The following TMEM116 variants were observed in gnomAD, a reference collection of about 807,000 sequenced individuals.
The protein encoded by TMEM116 is transmembrane protein 116.
Under a neutral mutation model 44.3 loss-of-function variants are expected in TMEM116, and 38 were observed. That is an observed-to-expected ratio of 0.86 (90% confidence interval 0.66 to 1.12). TMEM116 has a LOEUF of 1.12. TMEM116 is among the 50% of genes most tolerant of loss of function. TMEM116 has a pLI of 0.00. For missense variants in TMEM116, 354 were observed against 401.7 expected (o/e 0.88, Z 1.01); for synonymous variants, 132 against 144.8 (o/e 0.91, Z 0.64).
intron 5 of TMEM116, among the ~76,000 whole-genome samples, chr12:111,939,451 CAAA>C (rs34320561): frequency 1.7e-4 from 12 of 72,060 alleles, no homozygotes; most frequent in African/African-American, 4.6e-4. Context: ...GAATCCGTCT[CAAA>C]AAAAAAAAAA....
rs1462031579 is a variant in TMEM116, at chr12:111,931,813, TG to T, written c.821del (p.Thr274AsnfsTer21). On this transcript the variant is annotated frameshift_variant, in exon 11 of 11. Coordinates refer to ENST00000552374, the MANE Select transcript of TMEM116 (RefSeq NM_001193531.2). LOFTEE classifies it high-confidence loss of function. ...ALYVLQALTA[T>X]SQGLLNCGVY... ...CTCCACAGTTGAGTAGACCCTGAGATGTTGCCGTTAGAGCCTGGAGGAGATG... is the reference window on the plus strand; with the variant it reads ...CTCCACAGTTGAGTAGACCCTGAGATTTGCCGTTAGAGCCTGGAGGAGATG... The T allele has an allele frequency of 6.5e-7, 1 of 1,527,852 alleles. No homozygotes were observed. Among genetic ancestry groups the T allele is most frequent in the Non-Finnish European group, 8.8e-7 (1 of 1,141,062 alleles). The allele number at this position is 1,527,852 out of a possible 1,614,324, so 94.6% of individuals were successfully genotyped here. A position where few individuals can be genotyped will look rare whatever the true frequency, so the allele number is the denominator to read the frequency against.
In TMEM116 at chr12:111,937,204, C is replaced by A; in HGVS notation, c.405G>T (p.Leu135=). Residue 135 remains leucine, a synonymous_variant, in exon 7 of 11, where the codon CTG becomes CTT. Transcript: ENST00000552374. ...TTTGGAAACATTCACTAGTATTTCC[C>A]AGACAGAATACAGGTGTCATCAATA... ...PLLLMTPVFC[L]GNTSECFQNF... 6.2e-7 allele frequency: 1 copy of A among 1,613,810 alleles called. No homozygotes were observed. The highest frequency in any genetic ancestry group is 8.5e-7 in the Non-Finnish European group (1 of 1,179,860).
intron 4 of TMEM116, among the ~76,000 whole-genome samples, chr12:111,985,470 C>T (rs552841013): frequency 1.3e-5 from 2 of 152,278 alleles, no homozygotes; most frequent in Non-Finnish European, 2.9e-5. Context: ...TAGGAATAAA[C>T]TTAACCAAGG....
chr12:111,940,089 A>G (rs1245995782), intron 5 of TMEM116, among the ~76,000 whole-genome samples: 1 of 151,940 alleles, frequency 6.6e-6, no homozygotes, highest in East Asian at 1.9e-4. Flanking sequence ...CCTGGCCAAC[A>G]TGGCAAAACC....
Position 111,938,181 on chromosome 12 carries a change from T to C in TMEM116, c.345A>G (p.Gln115=), listed in dbSNP as rs1266522242. Residue 115 remains glutamine (Q), a synonymous_variant, in exon 6 of 11, where the codon CAA becomes CAG. Transcript: ENST00000552374. ...LVIDYTCRVC[Q]MAFVFSSLIP... ...TTTACCTTGAGAAAACAAAGGCCAT[T>C]TGACAAACTCGACAAGTATAATCTA... 5.6e-6 allele frequency: 9 copies of C among 1,598,396 alleles called. No homozygotes were observed. The African/African-American group carries it at 1.1e-4, about 19-fold the overall frequency.
intron 4 of TMEM116, among the ~76,000 whole-genome samples, chr12:111,991,306 A>C (rs2076569584): frequency 6.7e-6 from 1 of 150,140 alleles, no homozygotes; most frequent in Non-Finnish European, 1.5e-5. Flanking sequence ...GTGGATCATG[A>C]GGTCAGGAGA....
chr12:111,973,238 A>C (rs1214060043), intron 4 of TMEM116, among the ~76,000 whole-genome samples: 1 of 152,280 alleles, frequency 6.6e-6, no homozygotes, highest in African/African-American at 2.4e-5. Context: ...CATGATCCAC[A>C]GAAAATCCCC....
rs1263660937 is a variant in TMEM116, at chr12:111,984,504, A to G, written c.210+7254T>C. Reference sequence around the variant, plus strand: ...ATAGTAATGGGTACAAAAAATATATATAGTTAAAAAGAATAAATAAGACCT... The same window carrying G: ...ATAGTAATGGGTACAAAAAATATATGTAGTTAAAAAGAATAAATAAGACCT... On this transcript the variant is annotated intron_variant, in intron 4 of 10. Coordinates refer to ENST00000552374, the MANE Select transcript of TMEM116 (RefSeq NM_001193531.2). 2.0e-5 allele frequency among the ~76,000 whole-genome samples: 3 copies of G among 152,184 alleles called. No homozygotes were observed. The East Asian group carries it at 5.8e-4, about 29-fold the overall frequency.
At chr12:111,983,796 G>A (rs150177151) in intron 4 of TMEM116, among the ~76,000 whole-genome samples, 48 of 152,026 alleles carry the variant, frequency 3.2e-4, no homozygotes, top group African/African-American at 1.1e-3. Context: ...CCAAAAAGTC[G>A]AATAGGATGC....
intron 4 of TMEM116, among the ~76,000 whole-genome samples, chr12:111,953,676 TAAC>T (rs1483659144): frequency 3.3e-5 from 5 of 152,356 alleles, no homozygotes; most frequent in African/African-American, 1.2e-4. Context: ...TATCCAAAGA[TAAC>T]AATTACGTAA....
chr12:111,961,384 T>C (rs2074577077), intron 4 of TMEM116, among the ~76,000 whole-genome samples: 1 of 152,114 alleles, frequency 6.6e-6, no homozygotes, highest in Non-Finnish European at 1.5e-5. Context: ...AAAGAAAAAT[T>C]CAGGACAATA....
chr12:111,967,862 A>C (rs1004788761), intron 4 of TMEM116, among the ~76,000 whole-genome samples: 3 of 152,210 alleles, frequency 2.0e-5, no homozygotes, highest in Non-Finnish European at 4.4e-5. Context: ...TCAGACAACA[A>C]AGGGCAATAA....
intron 4 of TMEM116, among the ~76,000 whole-genome samples, chr12:111,945,428 T>C (rs1409448723): frequency 6.6e-6 from 1 of 151,486 alleles, no homozygotes; most frequent in Non-Finnish European, 1.5e-5. Flanking sequence ...TGTCATTGTA[T>C]CTGTTAGATT....
At chr12:111,956,064 T>C (rs760031796) in intron 4 of TMEM116, among the ~76,000 whole-genome samples, 1 of 152,196 alleles carries the variant, frequency 6.6e-6, no homozygotes, top group Non-Finnish European at 1.5e-5. Flanking sequence ...CTCAGGTAAG[T>C]TCCAGAATTA....
rs966536180 is a variant in TMEM116, at chr12:111,936,830, C to G, written c.450G>C (p.Lys150Asn). The G allele has an allele frequency of 3.1e-6, 5 of 1,589,196 alleles. No homozygotes were observed. Among genetic ancestry groups the G allele is most frequent in the Non-Finnish European group, 4.3e-6 (5 of 1,169,814 alleles). The change falls in exon 8 of 11, where the codon AAG becomes AAC. Residue 150 changes from lysine (K) to asparagine (N), a missense_variant and splice_region_variant. Transcript: ENST00000552374. ...ATGGTGGTGAGTGCATCAAGATACA[C>G]CTAGGAAGAAAATCAATAAACAGGA... is the stretch of plus-strand genomic sequence containing the variant. ...ECFQNFSQSH[K>N]CILMHSPPSA...
intron 4 of TMEM116, among the ~76,000 whole-genome samples, chr12:111,991,387 G>A (rs1410884217): frequency 7.9e-5 from 12 of 151,260 alleles, no homozygotes; most frequent in African/African-American, 2.2e-4. Context: ...AGTCGGGCGC[G>A]GTGGTGGGCG....
chr12:111,978,086 A>C (rs2075762666), intron 4 of TMEM116, among the ~76,000 whole-genome samples: 1 of 151,314 alleles, frequency 6.6e-6, no homozygotes, highest in African/African-American at 2.4e-5. Flanking sequence ...AAACATAGTG[A>C]CTGTTAGAGT....
chr12:111,978,761 T>G (rs1337094471), intron 4 of TMEM116: 1 of 445,320 alleles, frequency 2.2e-6, no homozygotes, highest in South Asian at 1.6e-5. Context: ...CTGATTATCT[T>G]AATCTTGGAC....
chr12:111,946,777 T>G (rs1176736014), intron 4 of TMEM116, among the ~76,000 whole-genome samples: 2 of 152,160 alleles, frequency 1.3e-5, no homozygotes, highest in Non-Finnish European at 1.5e-5. Flanking sequence ...CACATACTCT[T>G]CCAGTATCTG....
Sources: allele counts gnomAD v4.1 joint callset (sites outside exome capture counted in the v4.1 genomes callset), GRCh38; gene constraint gnomAD v4.1.1; transcripts MANE v1.5; gene names NCBI Gene and HGNC (gene_info 2026-07-23, HGNC 2026-07-21).